Variants in DUSP18 observed in about 807,000 individuals in gnomAD.
DUSP18 encodes the protein dual specificity protein phosphatase 18.
DUSP18 carries 4 observed loss-of-function variants against 6.3 expected under a neutral mutation model. The ratio of observed to expected loss-of-function variants is 0.63; its 90% CI spans 0.31 to 1.45. The LOEUF (loss-of-function observed/expected upper bound fraction) is 1.45, where lower values mean the gene tolerates loss of function less well. DUSP18 is among the 40% of genes most tolerant of loss of function. The probability of loss-of-function intolerance (pLI) is 0.07; values close to 1 mark genes in which losing one functional copy is unlikely to be tolerated. For synonymous variants in DUSP18, 96 were observed against 95.1 expected, an observed-to-expected ratio of 1.01 and a Z score of -0.05; for missense variants, 235 against 247.7, an observed-to-expected ratio of 0.95 and a Z score of 0.34.
At chr22:30,654,127 C>G (rs1287036554) in intron 2 of DUSP18, 2 of 229,228 alleles carry the variant, frequency 8.7e-6, no homozygotes, top group Non-Finnish European at 1.7e-5. Context: ...CTACGGGCGC[C>G]CGCCACCACG....
At chr22:30,653,912 A>G in intron 2 of DUSP18, 1 of 169,254 alleles carries the variant, frequency 5.9e-6, no homozygotes, top group Non-Finnish European at 1.3e-5. Flanking sequence ...AGGACACCCC[A>G]GTATTTGTCA....
rs760671397 is a variant in DUSP18 at position 30,663,967 on chromosome 22, G to A, written c.37C>T (p.Arg13Trp). The A allele has an allele frequency of 1.9e-5, 31 of 1,613,990 alleles. No homozygotes were observed. The highest frequency in any genetic ancestry group is 1.1e-4 in the East Asian group (5 of 44,898). The change falls in exon 2 of 2, where the codon CGG (arginine) becomes TGG (tryptophan). Residue 13 changes from arginine (R) to tryptophan (W), a missense_variant. Arg to Trp is a moderately radical substitution (Grantham distance 101). Transcript: ENST00000334679. ...APSCAFPVQFRQPSVSGLSQI... is the reference protein window; with the variant it reads ...APSCAFPVQFWQPSVSGLSQI... ...GAGAGGCCGCTGACTGAGGGCTGCC[G>A]GAACTGAACTGGGAAGGCACACGAG...
At chr22:30,655,053 G>T (rs2088306695) in intron 2 of DUSP18, among the ~76,000 whole-genome samples, 1 of 151,976 alleles carries the variant, frequency 6.6e-6, no homozygotes, top group Non-Finnish European at 1.5e-5. Flanking sequence ...CCTAATTCCT[G>T]GGGTTCTGCT....
intron 2 of DUSP18, chr22:30,654,642 C>T: frequency 4.4e-6 from 2 of 454,690 alleles, no homozygotes; most frequent in South Asian, 3.3e-5. Context: ...TGCTGTTCAT[C>T]CACTTGTGGA....
In DUSP18 at chr22:30,667,868, C is replaced by T. The variant is rs1195879643; in HGVS notation, c.-484G>A. On this transcript the variant is annotated 5_prime_UTR_variant, in exon 1 of 2. Transcript: ENST00000334679. ...CAGTCTCACCGCTTCCGTAGCCGCCCGGGCTCTGTGCGCATGTGCGACACT... is the reference window on the plus strand; with the variant it reads ...CAGTCTCACCGCTTCCGTAGCCGCCTGGGCTCTGTGCGCATGTGCGACACT... 6.6e-6 allele frequency: 1 copy of T among 152,450 alleles called. No individual in the cohort carries two copies. The highest frequency in any genetic ancestry group is 1.5e-5 in the Non-Finnish European group (1 of 68,172). The allele number at this position is 152,450 out of a possible 1,614,324, so 9.4% of individuals were successfully genotyped here.
chr22:30,665,566 G>A, intron 1 of DUSP18: 1 of 470,782 alleles, frequency 2.1e-6, no homozygotes, highest in South Asian at 1.6e-5. Context: ...AAAGGTAACT[G>A]TTTTAAGGGA....
At chr22:30,655,051 C>G (rs1418857586) in intron 2 of DUSP18, among the ~76,000 whole-genome samples, 1 of 152,112 alleles carries the variant, frequency 6.6e-6, no homozygotes, top group Non-Finnish European at 1.5e-5. Flanking sequence ...CTCCTAATTC[C>G]TGGGGTTCTG....
chr22:30,663,795 G>A lies in DUSP18; in HGVS notation c.209C>T (p.Pro70Leu). 1.9e-6 allele frequency: 3 copies of A among 1,614,220 alleles called. No homozygotes were observed. Among genetic ancestry groups the A allele is most frequent in the South Asian group, 1.1e-5 (1 of 91,082 alleles). The part of the protein sequence containing the change: ...LYEDIQYMQV[P>L]VADSPNSRLC... ...ACGTGAGTTAGGGGAGTCAGCCACA[G>A]GTACCTGCATGTACTGGATATCCTC... Residue 70 changes from proline (P) to leucine (L), a missense_variant, in exon 2 of 2, where the codon CCT (proline) becomes CTT (leucine). Transcript: ENST00000334679.
chr22:30,666,161 GA>G (rs2088650240), intron 1 of DUSP18, among the ~76,000 whole-genome samples: 1 of 152,160 alleles, frequency 6.6e-6, no homozygotes, highest in African/African-American at 2.4e-5. Context: ...CTCGTCATCA[GA>G]AAATCCATAG....
rs1163646136 is a variant in DUSP18 at position 30,662,005 on chromosome 22, G to A, written c.*1432C>T. The A allele has an allele frequency of 6.6e-6, 1 of 151,036 alleles. No homozygotes were observed. Among genetic ancestry groups the A allele is most frequent in the Non-Finnish European group, 1.5e-5 (1 of 67,888 alleles). 9.4% of individuals were successfully genotyped at this position (151,036 alleles called of 1,614,324 possible). On this transcript the variant is annotated 3_prime_UTR_variant, in exon 2 of 2. Transcript: ENST00000334679. ...GGCTCTAAGTCTAGGCCTCCTGTGA[G>A]GTAGGGTCTGAAAGGACTTAAACCA...
At chr22:30,657,101 G>A (rs2145596669), downstream of DUSP18, among the ~76,000 whole-genome samples, 2 of 152,190 alleles carry the variant, frequency 1.3e-5, no homozygotes, top group East Asian at 3.9e-4. Flanking sequence ...ATTGTGGCTG[G>A]ACCATATTTG....
chr22:30,665,636 G>C, intron 1 of DUSP18: 1 of 446,824 alleles, frequency 2.2e-6, no homozygotes, highest in Middle Eastern at 3.3e-4. Flanking sequence ...GGCTTTCTTA[G>C]CCCTATGTTC....
chr22:30,663,673 A>G lies in DUSP18; in HGVS notation c.331T>C (p.Ser111Pro), dbSNP rs1235518426. The G allele has an allele frequency of 6.2e-7, 1 of 1,614,102 alleles. No individual in the cohort carries two copies. Among genetic ancestry groups the G allele is most frequent in the Non-Finnish European group, 8.5e-7 (1 of 1,180,054 alleles). ...AGGTAGGCGAGGCACAGGGCAGCTG[A>G]GCGGCTCACACCAGCAGCACAGTGC... ...LLHCAAGVSR[S>P]AALCLAYLMK... The change falls in exon 2 of 2, where the codon TCA becomes CCA. Residue 111 changes from serine (S) to proline (P), a missense_variant. By Grantham distance (74) the Ser-to-Pro change is moderately conservative. Coordinates refer to ENST00000334679, the MANE Select transcript of DUSP18 (RefSeq NM_152511.5).
Position 30,662,886 on chromosome 22 carries a change from A to G in DUSP18, c.*551T>C, listed in dbSNP as rs1602103832. The G allele has an allele frequency of 6.5e-6, 1 of 153,512 alleles. No homozygotes were observed. The highest frequency in any genetic ancestry group is 6.4e-5 in the Admixed American group (1 of 15,522). The allele number at this position is 153,512 out of a possible 1,614,324, so 9.5% of individuals were successfully genotyped here. A position where few individuals can be genotyped will look rare whatever the true frequency, so the allele number is the denominator to read the frequency against. On this transcript the variant is annotated 3_prime_UTR_variant, in exon 2 of 2. Transcript: ENST00000334679. ...GCTTTCTTTAAAAACTATCTTATGC[A>G]TAAGTACAATCTAGAAAACCAGAAC...
Sources: gnomAD v4.1 joint callset for allele counts (sites outside exome capture counted in the v4.1 genomes callset) on GRCh38, gnomAD v4.1.1 for gene constraint, MANE v1.5 for transcripts, NCBI Gene and HGNC (gene_info 2026-07-23, HGNC 2026-07-21) for gene names.